PHF3: variants seen among roughly 807,000 people sequenced by gnomAD.
PHF3 encodes PHD finger protein 3.
A neutral mutation model predicts 178.4 loss-of-function variants in PHF3; 41 were observed. That is an observed-to-expected ratio of 0.23 (90% CI 0.18 to 0.30). PHF3 has a LOEUF of 0.30. Among genes scored for constraint, PHF3 ranks in the 10% least tolerant of loss-of-function variants. PHF3 has a pLI of 1.00. For synonymous variants in PHF3, 842 were observed against 800.5 expected (o/e 1.05, Z -0.88); for missense variants, 2,346 against 2,398.1 (o/e 0.98, Z 0.45).
intron 1 of PHF3, among the ~76,000 whole-genome samples, chr6:63,644,822 G>C (rs75470317): frequency 0.012 from 1,804 of 151,640 alleles, 30 homozygotes; most frequent in African/African-American, 0.042. Flanking sequence ...TCTCAGGTAT[G>C]CACCTGCCCT....
At chr6:63,705,359 G>A (rs1056011618) in intron 11 of PHF3, among the ~76,000 whole-genome samples, 1 of 152,178 alleles carries the variant, frequency 6.6e-6, no homozygotes, top group Non-Finnish European at 1.5e-5. Context: ...AAACCTGTAC[G>A]GTCCATGGCC....
At chr6:63,668,412 C>T (rs1765769183) in intron 2 of PHF3, among the ~76,000 whole-genome samples, 3 of 152,176 alleles carry the variant, frequency 2.0e-5, no homozygotes, top group African/African-American at 7.2e-5. Flanking sequence ...TGGCTCACTA[C>T]AGCCTCGACC....
intron 2 of PHF3, among the ~76,000 whole-genome samples, chr6:63,669,501 G>A (rs749388759): frequency 3.6e-4 from 54 of 152,112 alleles, no homozygotes; most frequent in Non-Finnish European, 5.1e-4. Flanking sequence ...TAAAATATTC[G>A]ATCCATTCGT....
At chr6:63,672,034 G>C (rs1254792471) in intron 2 of PHF3, among the ~76,000 whole-genome samples, 1 of 152,152 alleles carries the variant, frequency 6.6e-6, no homozygotes. Flanking sequence ...GTAGAGATGG[G>C]GTTTTACCAT....
intron 3 of PHF3, among the ~76,000 whole-genome samples, chr6:63,680,403 T>A (rs1203871255): frequency 4.7e-5 from 7 of 149,774 alleles, no homozygotes; most frequent in Non-Finnish European, 7.4e-5. Context: ...GTTTAATTTT[T>A]TTTTTTTTTT....
Position 63,723,506 on chromosome 6 carries a change from C to G in PHF3, c.*9798C>G, listed in dbSNP as rs1458577427. Among the ~76,000 whole-genome samples the G allele has an allele frequency of 6.6e-6, 1 of 151,982 alleles. No individual in the cohort carries two copies. Among genetic ancestry groups the G allele is most frequent in the Non-Finnish European group, 1.5e-5 (1 of 68,002 alleles). On this transcript the variant is annotated 3_prime_UTR_variant, in exon 16 of 16. Coordinates refer to ENST00000262043, the MANE Select transcript of PHF3 (RefSeq NM_001370348.2). ...TAGTAAACAATTTTATAGTGAAGAG[C>G]TACATTAGAATAAAAAATATCTAAG... is the stretch of plus-strand genomic sequence containing the variant.
intron 2 of PHF3, among the ~76,000 whole-genome samples, chr6:63,677,852 T>C (rs985587605): frequency 1.3e-5 from 2 of 152,200 alleles, no homozygotes; most frequent in Admixed American, 6.5e-5. Context: ...TATATATGCT[T>C]TTCTACAGAA....
rs542129500 is a variant in PHF3, at chr6:63,641,189, CT to C, written c.-26+5043del. Reference sequence around the variant, plus strand: ...GGCTGAAGGCATCAAGTGTGCTCCACTTTTAAGACCTTTGTACTTCTGGGTC... The same window carrying C: ...GGCTGAAGGCATCAAGTGTGCTCCACTTTAAGACCTTTGTACTTCTGGGTC... On this transcript the variant is annotated intron_variant, in intron 1 of 15. Coordinates refer to ENST00000262043, the MANE Select transcript of PHF3 (RefSeq NM_001370348.2). 1.8e-3 allele frequency among the ~76,000 whole-genome samples: 279 copies of C among 152,348 alleles called. 1 individual carries two copies. Among genetic ancestry groups the C allele is most frequent in the Admixed American group, 4.2e-3 (64 of 15,298 alleles).
At chr6:63,706,285 G>C in intron 12 of PHF3, 61 bp downstream of exon 12, 1 of 1,295,900 alleles carries the variant, frequency 7.7e-7, no homozygotes, top group Non-Finnish European at 1.1e-6. Flanking sequence ...GATTATACTT[G>C]CAAGTCTTCA....
intron 2 of PHF3, among the ~76,000 whole-genome samples, chr6:63,669,141 G>T (rs1302409844): frequency 6.6e-6 from 1 of 152,120 alleles, no homozygotes; most frequent in Non-Finnish European, 1.5e-5. Flanking sequence ...ATCAGTCTTG[G>T]CTTTAATACA....
At chr6:63,663,766 G>A (rs114081381) in intron 2 of PHF3, among the ~76,000 whole-genome samples, 1,803 of 152,182 alleles carry the variant, frequency 0.012, 31 homozygotes, top group African/African-American at 0.041. Flanking sequence ...GTATGGAGTC[G>A]CACAGTGCCA....
chr6:63,684,834 C>T lies in PHF3; in HGVS notation c.1112C>T (p.Thr371Ile). ...TTGCCTAGTTGTGTAGATGAAGTGA[C>T]TGAATGTAATTTGGAATTGAAGGAT... ...VGLPSCVDEVTECNLELKDTM... is the reference protein window; with the variant it reads ...VGLPSCVDEVIECNLELKDTM... The change falls in exon 4 of 16, where the codon ACT becomes ATT. Residue 371 changes from threonine to isoleucine, a missense_variant. Physicochemically the swap from Thr to Ile is moderately conservative, Grantham distance 89. This residue lies in a region of PHF3 where 843 missense variants were observed against 795.2 expected (regional missense o/e 1.06). Transcript: ENST00000262043. The T allele has an allele frequency of 6.2e-7, 1 of 1,613,292 alleles. No individual in the cohort carries two copies. Among genetic ancestry groups the T allele is most frequent in the East Asian group, 2.2e-5 (1 of 44,816 alleles).
chr6:63,705,283 T>G (rs1767641090), intron 11 of PHF3, among the ~76,000 whole-genome samples: 1 of 152,192 alleles, frequency 6.6e-6, no homozygotes, highest in Non-Finnish European at 1.5e-5. Context: ...AACATTCTCT[T>G]CTTCTAATTT....
chr6:63,657,063 T>A lies in PHF3; in HGVS notation c.244+10268T>A, dbSNP rs141198270. Among the ~76,000 whole-genome samples the A allele has an allele frequency of 1.5e-3, 224 of 152,332 alleles. 4 individuals carry two copies. The highest frequency in any genetic ancestry group is 5.2e-3 in the African/African-American group (218 of 41,574). On this transcript the variant is annotated intron_variant, in intron 2 of 15. Transcript: ENST00000262043. ...TTCTCTTCAAGTCTGGGAACTTTTC[T>A]TGTGTTTTCTCTGCAAACTCCTGGA...
In PHF3 at chr6:63,713,539, A is replaced by G; in HGVS notation, c.5951A>G (p.Lys1984Arg). The G allele has an allele frequency of 6.2e-7, 1 of 1,613,578 alleles. No homozygotes were observed. The highest frequency in any genetic ancestry group is 8.5e-7 in the Non-Finnish European group (1 of 1,179,772). Reference sequence around the variant, plus strand: ...CATGGTGATCGAGGAACAGATGGAAAAGCAAGCAGAGATAGTAGGAATGTA... The same window carrying G: ...CATGGTGATCGAGGAACAGATGGAAGAGCAAGCAGAGATAGTAGGAATGTA... ...LSHGDRGTDG[K>R]ASRDSRNVDK... The change falls in exon 16 of 16, where the codon AAA becomes AGA. Residue 1984 changes from lysine (K) to arginine (R), a missense_variant. Physicochemically the swap from Lys to Arg is conservative, Grantham distance 26 (BLOSUM62 2). Around this residue, in one of 8 missense-constraint regions of PHF3, gnomAD observed 839 missense variants for 806.9 expected, o/e 1.04. Transcript: ENST00000262043.
chr6:63,662,011 A>G (rs1177873955), intron 2 of PHF3, among the ~76,000 whole-genome samples: 1 of 151,922 alleles, frequency 6.6e-6, no homozygotes, highest in Non-Finnish European at 1.5e-5. Context: ...CTTGAGTTCC[A>G]CCTCCTGTCA....
In PHF3 at chr6:63,685,255, A is replaced by G. The variant is rs371177828; in HGVS notation, c.1533A>G (p.Ala511=). 15 of 1,613,968 alleles carry G rather than the reference A, an allele frequency of 9.3e-6. No homozygotes were observed. Among genetic ancestry groups the G allele is most frequent in the Non-Finnish European group, 1.7e-6 (2 of 1,180,006 alleles). The change falls in exon 4 of 16, where the codon GCA becomes GCG. Residue 511 remains alanine (A), a synonymous_variant. Transcript: ENST00000262043. ...MTTDAPKKIV[A]AKYEVIHSKT... ...CAGATGCTCCGAAGAAAATTGTTGCAGCAAAGTATGAAGTAATACATAGCA... is the reference window on the plus strand; with the variant it reads ...CAGATGCTCCGAAGAAAATTGTTGCGGCAAAGTATGAAGTAATACATAGCA...
chr6:63,638,466 A>T (rs375329893), intron 1 of PHF3, among the ~76,000 whole-genome samples: 1 of 152,110 alleles, frequency 6.6e-6, no homozygotes, highest in African/African-American at 2.4e-5. Flanking sequence ...ATCCATTTAA[A>T]TTTCTCATAA....
chr6:63,650,718 A>C (rs764157527), intron 2 of PHF3, among the ~76,000 whole-genome samples: 1 of 152,166 alleles, frequency 6.6e-6, no homozygotes, highest in Non-Finnish European at 1.5e-5. Flanking sequence ...ATATTGGAAA[A>C]ATTATATTGC....
Sources: gnomAD v4.1 joint callset for allele counts (sites outside exome capture counted in the v4.1 genomes callset) on GRCh38, gnomAD v4.1.1 for gene constraint, gnomAD v4.1.1 regional missense constraint, MANE v1.5 for transcripts, NCBI Gene and HGNC (gene_info 2026-07-23, HGNC 2026-07-21) for gene names.